Variants in PALS2 observed in about 807,000 individuals in gnomAD.
PALS2 encodes protein PALS2.
PALS2 carries 27 observed loss-of-function variants against 61.6 expected under a neutral mutation model. That is an observed-to-expected ratio of 0.44 (90% CI 0.32 to 0.60). The LOEUF is 0.60. Among genes scored for constraint, PALS2 ranks in the 20% least tolerant of loss-of-function variants. The probability of loss-of-function intolerance (pLI) is 0.05; values close to 1 mark genes in which losing one functional copy is unlikely to be tolerated. For synonymous variants in PALS2, 236 were observed against 218.6 expected, an observed-to-expected ratio of 1.08 and a Z score of -0.70; for missense variants, 554 against 639.4, an observed-to-expected ratio of 0.87 and a Z score of 1.44.
intron 1 of PALS2, among the ~76,000 whole-genome samples, chr7:24,597,392 A>T (rs1420265630): frequency 2.0e-5 from 3 of 152,156 alleles, no homozygotes; most frequent in Non-Finnish European, 4.4e-5. Context: ...AAGTTTGAGG[A>T]GAGCTGTGGC....
In PALS2 at chr7:24,692,235, C is replaced by T. The variant is rs1788509720; in HGVS notation, c.*4621C>T. ...GTAAGCATGGTTCACACCACTTTGG[C>T]AATACACTGCAGTACTTTTTAAAAA... On this transcript the variant is annotated 3_prime_UTR_variant, in exon 12 of 12. Transcript: ENST00000222644. 1 of 152,182 alleles carries T rather than the reference C, an allele frequency of 6.6e-6. No homozygotes were observed. Among genetic ancestry groups the T allele is most frequent in the East Asian group, 1.9e-4 (1 of 5,178 alleles). 9.4% of individuals were successfully genotyped at this position (152,182 alleles called of 1,614,324 possible). A position where few individuals can be genotyped will look rare whatever the true frequency, so the allele number is the denominator to read the frequency against.
At chr7:24,578,492 G>A (rs193005023) in intron 1 of PALS2, among the ~76,000 whole-genome samples, 1 of 152,318 alleles carries the variant, frequency 6.6e-6, no homozygotes, top group Admixed American at 6.5e-5. Flanking sequence ...TGCAGCCAAT[G>A]TCCAGTGGAA....
rs985985725 is a variant in PALS2 at position 24,677,892 on chromosome 7, C to T, written c.1115-1239C>T. Among the ~76,000 whole-genome samples the T allele has an allele frequency of 9.6e-4, 146 of 151,986 alleles. 3 individuals are homozygous for T. The highest frequency in any genetic ancestry group is 9.5e-3 in the Admixed American group (145 of 15,260). ...ATTATACATAATGATCTCATTTGAC[C>T]CTTATTTTTGAGCATGAGTTTGAAG... On this transcript the variant is annotated intron_variant, in intron 9 of 11. Coordinates refer to ENST00000222644, the MANE Select transcript of PALS2 (RefSeq NM_001303037.2).
chr7:24,585,913 A>G (rs1248781842), intron 1 of PALS2, among the ~76,000 whole-genome samples: 2 of 152,042 alleles, frequency 1.3e-5, no homozygotes, highest in Admixed American at 6.6e-5. Flanking sequence ...CTACTCTGCC[A>G]TCTATCTAGT....
intron 1 of PALS2, among the ~76,000 whole-genome samples, chr7:24,577,652 G>A (rs1328160216): frequency 6.6e-6 from 1 of 151,814 alleles, no homozygotes; most frequent in African/African-American, 2.4e-5. Flanking sequence ...CCTAACTTAG[G>A]GCTTTTGCAC....
chr7:24,656,225 T>C (rs1170720629), intron 5 of PALS2, among the ~76,000 whole-genome samples: 3 of 152,176 alleles, frequency 2.0e-5, no homozygotes, highest in Non-Finnish European at 4.4e-5. Flanking sequence ...CCAAATGAAT[T>C]ACTAGCCACC....
intron 2 of PALS2, among the ~76,000 whole-genome samples, chr7:24,635,666 T>C (rs1450253821): frequency 6.6e-6 from 1 of 152,206 alleles, no homozygotes; most frequent in Non-Finnish European, 1.5e-5. Context: ...GTAAATATAA[T>C]GGAAGTTGTG....
At chr7:24,656,339 TC>T (rs1786416358) in intron 5 of PALS2, among the ~76,000 whole-genome samples, 1 of 152,224 alleles carries the variant, frequency 6.6e-6, no homozygotes, top group Non-Finnish European at 1.5e-5. Context: ...CATAGTGTAT[TC>T]CTGTGCAATA....
intron 9 of PALS2, among the ~76,000 whole-genome samples, chr7:24,678,556 C>G (rs972567416): frequency 6.6e-6 from 1 of 152,100 alleles, no homozygotes; most frequent in Non-Finnish European, 1.5e-5. Context: ...CAACTAAGAA[C>G]AGGTGAACTT....
rs548349629 is a variant in PALS2, at chr7:24,618,778, C to G, written c.-2-4888C>G. 2.0e-5 allele frequency among the ~76,000 whole-genome samples: 3 copies of G among 152,338 alleles called. No homozygotes were observed. Among genetic ancestry groups the G allele is most frequent in the African/African-American group, 7.2e-5 (3 of 41,582 alleles). ...CAGAGGCAGGATGCCTCCACGCTGG[C>G]CTTGTGGGCTCCCAGTCATCACAGG... On this transcript the variant is annotated intron_variant, in intron 1 of 11. Transcript: ENST00000222644. This position sits in a 1 kb window ranked among gnomAD's most constrained non-coding sequence, Gnocchi z 5.1.
At chr7:24,657,829 AT>A (rs1220970624) in intron 5 of PALS2, among the ~76,000 whole-genome samples, 2 of 152,180 alleles carry the variant, frequency 1.3e-5, no homozygotes, top group Non-Finnish European at 2.9e-5. Flanking sequence ...AGTTCTATCT[AT>A]GCTGTACCTC....
intron 6 of PALS2, among the ~76,000 whole-genome samples, chr7:24,664,035 C>G (rs1302973728): frequency 6.6e-6 from 1 of 152,102 alleles, no homozygotes; most frequent in Non-Finnish European, 1.5e-5. Context: ...TTGGGTCATC[C>G]CTTTTCAAAA....
intron 3 of PALS2, among the ~76,000 whole-genome samples, chr7:24,645,882 G>C (rs907473639): frequency 6.6e-6 from 1 of 152,064 alleles, no homozygotes; most frequent in Non-Finnish European, 1.5e-5. Context: ...TGTGGCAATT[G>C]TGAATGGGAT....
intron 1 of PALS2, among the ~76,000 whole-genome samples, chr7:24,588,183 A>G (rs575736057): frequency 3.9e-5 from 6 of 152,278 alleles, no homozygotes; most frequent in Admixed American, 2.6e-4. Context: ...TTCCCTGGAC[A>G]TGTTTGGAGA....
intron 1 of PALS2, among the ~76,000 whole-genome samples, chr7:24,592,446 G>A (rs1361450083): frequency 6.6e-6 from 1 of 152,002 alleles, no homozygotes; most frequent in African/African-American, 2.4e-5. Flanking sequence ...AGGATGTGAA[G>A]GCCCTTATGC....
intron 3 of PALS2, among the ~76,000 whole-genome samples, chr7:24,646,004 A>G (rs1410609141): frequency 6.6e-6 from 1 of 152,054 alleles, no homozygotes; most frequent in Non-Finnish European, 1.5e-5. Context: ...GAAGGATACA[A>G]AGGACTTTGT....
chr7:24,625,776 TAAAGC>T (rs1314159958), intron 2 of PALS2, among the ~76,000 whole-genome samples: 3 of 152,042 alleles, frequency 2.0e-5, no homozygotes, highest in Non-Finnish European at 4.4e-5. Flanking sequence ...AAAAATGAAA[TAAAGC>T]AAAGAGTTAT....
chr7:24,665,750 TG>T (rs1786982749), intron 7 of PALS2, 63 bp downstream of exon 7: 1 of 1,438,864 alleles, frequency 6.9e-7, no homozygotes, highest in South Asian at 1.2e-5. Flanking sequence ...TTGTCTCTTT[TG>T]TCTAAATAAG....
At chr7:24,661,160 ATATAAT>A (rs1451461815) in intron 5 of PALS2, among the ~76,000 whole-genome samples, 2 of 152,186 alleles carry the variant, frequency 1.3e-5, no homozygotes, top group East Asian at 1.9e-4. Flanking sequence ...ATTTAATAAA[ATATAAT>A]TATACTAAAT....
Sources: gnomAD v4.1 joint callset for allele counts (sites outside exome capture counted in the v4.1 genomes callset) on GRCh38, gnomAD v4.1.1 for gene constraint, Gnocchi (gnomAD v3.1) non-coding constraint, MANE v1.5 for transcripts, NCBI Gene and HGNC (gene_info 2026-07-23, HGNC 2026-07-21) for gene names.